The following TMIGD1 variants were observed in gnomAD, a reference collection of about 807,000 sequenced individuals.
TMIGD1 encodes the protein transmembrane and immunoglobulin domain containing 1.
TMIGD1 carries 29 observed loss-of-function variants against 27.5 expected under a neutral mutation model. The ratio of observed to expected loss-of-function variants is 1.05; its 90% CI spans 0.78 to 1.44. The LOEUF is 1.44. TMIGD1 is among the 40% of genes most tolerant of loss of function. TMIGD1 has a pLI of 0.00. For missense variants in TMIGD1, 334 were observed against 310.6 expected (o/e 1.08, Z -0.57); for synonymous variants, 109 against 110.3 (o/e 0.99, Z 0.07).
intron 1 of TMIGD1, among the ~76,000 whole-genome samples, chr17:30,333,774 ATAG>A (rs879285168): frequency 6.6e-6 from 1 of 152,122 alleles, no homozygotes; most frequent in Non-Finnish European, 1.5e-5. Context: ...AATGTGGTCA[ATAG>A]TAGAGTTTTC....
chr17:30,320,324 C>T (rs1209027774), intron 4 of TMIGD1, among the ~76,000 whole-genome samples: 4 of 152,126 alleles, frequency 2.6e-5, no homozygotes, highest in Non-Finnish European at 5.9e-5. Context: ...GTATGAGCCA[C>T]CGCACCGGGC....
intron 3 of TMIGD1, among the ~76,000 whole-genome samples, 162 bp from the exon 4 acceptor site, chr17:30,325,256 A>T (rs1190876107): frequency 6.6e-6 from 1 of 152,208 alleles, no homozygotes; most frequent in Non-Finnish European, 1.5e-5. Context: ...AAGGGCAAAT[A>T]ACACTTCCAG....
chr17:30,329,353 C>G lies in TMIGD1; in HGVS notation c.259G>C (p.Val87Leu), dbSNP rs1567851410. 6.2e-7 allele frequency: 1 copy of G among 1,614,118 alleles called. No homozygotes were observed. The highest frequency in any genetic ancestry group is 1.7e-5 in the Admixed American group (1 of 60,016). ...KSGNKINSSS[V>L]CVSSISENDN... ...TTTTCACTGATGGAAGAGACACAGA[C>G]AGAGCTGGAATTGATTTTGTTTCCA... The change falls in exon 3 of 7, where the codon GTC (valine) becomes CTC (leucine). Residue 87 changes from valine to leucine, a missense_variant. Coordinates refer to ENST00000328886, the MANE Select transcript of TMIGD1 (RefSeq NM_206832.3).
At chr17:30,319,646 A>T (rs1319725940) in intron 4 of TMIGD1, among the ~76,000 whole-genome samples, 1 of 151,890 alleles carries the variant, frequency 6.6e-6, no homozygotes, top group Non-Finnish European at 1.5e-5. Context: ...AGTCCAAAAT[A>T]TATTGGGAAG....
intron 5 of TMIGD1, 45 bp from the exon 6 acceptor site, chr17:30,317,278 A>G (rs749025627): frequency 1.1e-5 from 18 of 1,610,264 alleles, no homozygotes; most frequent in Admixed American, 5.0e-5. Context: ...TTTAAGGCCC[A>G]TGGAGAAATA....
At position 30,318,887 on chromosome 17, in the gene TMIGD1, G is replaced by A. The variant is rs201555223; in HGVS notation, c.667C>T (p.Pro223Ser). 8 of 1,613,430 alleles carry A rather than the reference G, an allele frequency of 5.0e-6. No homozygotes were observed. The highest frequency in any genetic ancestry group is 6.8e-6 in the Non-Finnish European group (8 of 1,179,560). Residue 223 changes from proline to serine, a missense_variant, in exon 5 of 7, where the codon CCC becomes TCC. Transcript: ENST00000328886. The stretch of plus-strand genomic sequence containing the variant: ...ATCACAACACATGCAGCAATAATGG[G>A]CTCTATTGGTACACCCACAGTTTTA... ...KDKTVGVPIEPIIAACVVIFL... is the reference protein window; with the variant it reads ...KDKTVGVPIESIIAACVVIFL...
intron 4 of TMIGD1, among the ~76,000 whole-genome samples, chr17:30,321,175 T>C: frequency 6.6e-6 from 1 of 151,862 alleles, no homozygotes; most frequent in Non-Finnish European, 1.5e-5. Context: ...TTTTTTTTTT[T>C]TTTAGAGATG....
intron 4 of TMIGD1, 120 bp from the exon 5 acceptor site, chr17:30,319,033 T>G: frequency 1.4e-6 from 1 of 718,594 alleles, no homozygotes. Context: ...CTCAACAATC[T>G]CAAAAAGTAG....
chr17:30,317,348 G>T, intron 5 of TMIGD1, 115 bp from the exon 6 acceptor site: 1 of 1,097,038 alleles, frequency 9.1e-7, no homozygotes, highest in Non-Finnish European at 1.4e-6. Flanking sequence ...CCTCTGCACT[G>T]GCTCAGGCGT....
intron 1 of TMIGD1, among the ~76,000 whole-genome samples, chr17:30,332,436 C>T (rs149118040): frequency 6.6e-6 from 1 of 152,254 alleles, no homozygotes; most frequent in African/African-American, 2.4e-5. Context: ...AACCAGTCTT[C>T]CCTAGAGAAA....
intron 2 of TMIGD1, among the ~76,000 whole-genome samples, chr17:30,329,789 C>T (rs1909912642): frequency 6.6e-6 from 1 of 151,966 alleles, no homozygotes; most frequent in Non-Finnish European, 1.5e-5. Flanking sequence ...TTAAAAAGTA[C>T]TGATGTAGCT....
chr17:30,325,216 T>A (rs550394683), intron 3 of TMIGD1, 122 bp from the exon 4 acceptor site: 3 of 1,042,538 alleles, frequency 2.9e-6, no homozygotes, highest in East Asian at 2.5e-5. Flanking sequence ...ATTTATTAAA[T>A]ACGTACGGTG....
chr17:30,328,342 A>G (rs533516766), intron 3 of TMIGD1, among the ~76,000 whole-genome samples: 19 of 152,146 alleles, frequency 1.2e-4, no homozygotes, highest in Admixed American at 5.9e-4. Flanking sequence ...GGCCATGAAA[A>G]TCTGTCTAAG....
intron 4 of TMIGD1, among the ~76,000 whole-genome samples, chr17:30,321,565 G>A (rs557489200): frequency 1.3e-5 from 2 of 152,286 alleles, no homozygotes; most frequent in Non-Finnish European, 2.9e-5. Context: ...GCAAAAAATA[G>A]GACAGGTGTA....
Position 30,321,472 on chromosome 17 carries a change from G to T in TMIGD1, c.641-2559C>A, listed in dbSNP as rs76294344. ...GGAAATTGAGCATGTGCTATTTATC[G>T]CACAATTGAGTTTATGGATTGAGGT... On this transcript the variant is annotated intron_variant, in intron 4 of 6. Coordinates refer to ENST00000328886, the MANE Select transcript of TMIGD1 (RefSeq NM_206832.3). Among the ~76,000 whole-genome samples, 1,342 of 152,272 alleles carry T rather than the reference G, an allele frequency of 8.8e-3. 22 individuals carry two copies. Among genetic ancestry groups the T allele is most frequent in the African/African-American group, 0.03 (1,267 of 41,546 alleles).
intron 4 of TMIGD1, among the ~76,000 whole-genome samples, chr17:30,319,249 G>A (rs148456408): frequency 0.015 from 1,016 of 69,762 alleles, 5 homozygotes; most frequent in Middle Eastern, 0.027. Context: ...AAAAAAAAAA[G>A]AAAAAAAAAA....
At chr17:30,333,454 A>G (rs1250357102) in intron 1 of TMIGD1, among the ~76,000 whole-genome samples, 1 of 151,840 alleles carries the variant, frequency 6.6e-6, no homozygotes, top group Admixed American at 6.6e-5. Context: ...AAATAAAAAT[A>G]AAAAATAAAA....
At chr17:30,328,879 G>A (rs1270022720) in intron 3 of TMIGD1, among the ~76,000 whole-genome samples, 19 of 150,612 alleles carry the variant, frequency 1.3e-4, no homozygotes, top group Admixed American at 1.0e-3. Context: ...CAGGAGAATC[G>A]CTTGAACCCG....
chr17:30,322,628 T>A (rs1909655831), intron 4 of TMIGD1, among the ~76,000 whole-genome samples: 1 of 152,212 alleles, frequency 6.6e-6, no homozygotes, highest in South Asian at 2.1e-4. Context: ...GCCTCCCAGG[T>A]AGCTGGGATT....
Sources: allele counts gnomAD v4.1 joint callset (sites outside exome capture counted in the v4.1 genomes callset), GRCh38; gene constraint gnomAD v4.1.1; transcripts MANE v1.5; gene names NCBI Gene and HGNC (gene_info 2026-07-23, HGNC 2026-07-21).